Variants in SFMBT2 observed in about 807,000 individuals in gnomAD.
SFMBT2 encodes Scm like with four mbt domains 2.
SFMBT2 carries 38 observed loss-of-function variants against 110.1 expected under a neutral mutation model. The ratio of observed to expected loss-of-function variants is 0.35; its 90% CI spans 0.27 to 0.45. SFMBT2 has a LOEUF of 0.45. SFMBT2 is among the 20% of genes least tolerant of loss of function. The pLI, the probability that SFMBT2 is intolerant of heterozygous loss-of-function variation, is 1.00. For synonymous variants in SFMBT2, 425 were observed against 425.4 expected (o/e 1.00, Z 0.01); for missense variants, 1,011 against 1,094.9 (o/e 0.92, Z 1.08).
At chr10:7,260,907 A>G (rs545346526) in intron 7 of SFMBT2, among the ~76,000 whole-genome samples, 99 of 152,262 alleles carry the variant, frequency 6.5e-4, no homozygotes, top group African/African-American at 2.3e-3. Context: ...CTTTGTTATA[A>G]TAATACTGAG....
chr10:7,292,704 A>T (rs1294421661), intron 4 of SFMBT2, among the ~76,000 whole-genome samples: 5 of 152,202 alleles, frequency 3.3e-5, no homozygotes, highest in African/African-American at 9.7e-5. Flanking sequence ...GAAAAGAAAT[A>T]GTATCATTTT....
chr10:7,232,556 C>T (rs943798032), intron 9 of SFMBT2, among the ~76,000 whole-genome samples: 6 of 152,146 alleles, frequency 3.9e-5, no homozygotes, highest in African/African-American at 1.2e-4. Flanking sequence ...TAAAAAATAA[C>T]TGCTATGGCT....
chr10:7,333,708 G>A (rs1243415941), intron 4 of SFMBT2, among the ~76,000 whole-genome samples: 3 of 146,562 alleles, frequency 2.0e-5, no homozygotes, highest in Non-Finnish European at 4.5e-5. Context: ...CTCCCTACAC[G>A]GCCTCCCCGC....
At chr10:7,211,035 TC>T (rs1377734889) in intron 11 of SFMBT2, among the ~76,000 whole-genome samples, 1 of 152,066 alleles carries the variant, frequency 6.6e-6, no homozygotes, top group Non-Finnish European at 1.5e-5. Flanking sequence ...GGTGTTTTCA[TC>T]CCCATTTCAG....
intron 4 of SFMBT2, among the ~76,000 whole-genome samples, chr10:7,363,147 G>C (rs933306263): frequency 7.2e-5 from 11 of 152,136 alleles, no homozygotes; most frequent in African/African-American, 2.7e-4. Context: ...GGTGGTAACA[G>C]AATCATGGGG....
rs574234714 is a variant in SFMBT2 at position 7,357,218 on chromosome 10, C to T, written c.436+10431G>A. Among the ~76,000 whole-genome samples, 32 of 152,226 alleles carry T rather than the reference C, an allele frequency of 2.1e-4. 1 individual carries two copies. The highest frequency in any genetic ancestry group is 6.2e-4 in the South Asian group (3 of 4,820). ...TTCAGCTCTAGCTCTGAATCCACGC[C>T]TGGCAGGGTTAATTTTATGCATCAA... is the stretch of plus-strand genomic sequence containing the variant. On this transcript the variant is annotated intron_variant, in intron 4 of 20. Transcript: ENST00000397167.
chr10:7,386,944 G>A lies in SFMBT2; in HGVS notation c.-51-4995C>T, dbSNP rs138637908. Among the ~76,000 whole-genome samples, 22 of 152,272 alleles carry A rather than the reference G, an allele frequency of 1.4e-4. No homozygotes were observed. The East Asian group carries it at 2.3e-3, about 16-fold the overall frequency. On this transcript the variant is annotated intron_variant, in intron 1 of 20. Coordinates refer to ENST00000397167, the MANE Select transcript of SFMBT2 (RefSeq NM_001387889.1). ...ACAGAGCCGCTAGTGGTGGGGCTGC[G>A]GTTTGAACCCACACAACTGGCTCCA...
chr10:7,250,561 G>C (rs931114451), intron 7 of SFMBT2, among the ~76,000 whole-genome samples: 2 of 152,188 alleles, frequency 1.3e-5, no homozygotes, highest in Non-Finnish European at 2.9e-5. Flanking sequence ...GAGTGCTTGT[G>C]TCTTTTTGAT....
At position 7,188,700 on chromosome 10, in the gene SFMBT2, G is replaced by T. The variant is rs781731665; in HGVS notation, c.1732C>A (p.Pro578Thr). The T allele has an allele frequency of 6.2e-7, 1 of 1,613,352 alleles. No homozygotes were observed. The change falls in exon 16 of 21, where the codon CCT becomes ACT. Residue 578 changes from proline to threonine, a missense_variant. Coordinates refer to ENST00000397167, the MANE Select transcript of SFMBT2 (RefSeq NM_001387889.1). ...LSMIINAAYK[P>T]GRVLRELQLV... ...TGTAATTCTCTTAATACCCTTCCAG[G>T]CTTGTAGGCTGCGTTGATTATCATG...
intron 12 of SFMBT2, 26 bp downstream of exon 12, chr10:7,205,789 C>G: frequency 1.9e-6 from 3 of 1,598,788 alleles, no homozygotes; most frequent in Non-Finnish European, 2.6e-6. Context: ...GTGTCATCCA[C>G]CCCCCCTCAA....
At chr10:7,245,930 G>A (rs1212302868) in intron 8 of SFMBT2, among the ~76,000 whole-genome samples, 1 of 150,352 alleles carries the variant, frequency 6.7e-6, no homozygotes, top group Non-Finnish European at 1.5e-5. Flanking sequence ...ACAGCACAGT[G>A]TGTTATATTT....
intron 7 of SFMBT2, among the ~76,000 whole-genome samples, chr10:7,252,250 G>T (rs1840835003): frequency 6.6e-6 from 1 of 152,162 alleles, no homozygotes; most frequent in Non-Finnish European, 1.5e-5. Flanking sequence ...CAGAAGCCCT[G>T]CCCTCTCTGA....
At chr10:7,306,329 G>C (rs1842697907) in intron 4 of SFMBT2, among the ~76,000 whole-genome samples, 1 of 152,200 alleles carries the variant, frequency 6.6e-6, no homozygotes. Context: ...TTTTTAAATG[G>C]TTGGAAAAGT....
At chr10:7,385,242 T>G (rs543658265) in intron 1 of SFMBT2, among the ~76,000 whole-genome samples, 1 of 151,876 alleles carries the variant, frequency 6.6e-6, no homozygotes, top group Non-Finnish European at 1.5e-5. Context: ...CTCTACCCCA[T>G]GTAAGGAAGC....
chr10:7,161,761 C>G lies in SFMBT2; in HGVS notation c.*2009G>C, dbSNP rs1315543503. On this transcript the variant is annotated 3_prime_UTR_variant, in exon 21 of 21. Coordinates refer to ENST00000397167, the MANE Select transcript of SFMBT2 (RefSeq NM_001387889.1). ...TGTGTTTTCCATTCTCATCTGTAAC[C>G]ATTACAGAATGTTAAGAAGGGTGAG... 2 of 152,188 alleles carry G rather than the reference C, an allele frequency of 1.3e-5. No homozygotes were observed. Among genetic ancestry groups the G allele is most frequent in the East Asian group, 3.8e-4 (2 of 5,202 alleles). The allele number at this position is 152,188 out of a possible 1,614,324, so 9.4% of individuals were successfully genotyped here. A position where few individuals can be genotyped will look rare whatever the true frequency, so the allele number is the denominator to read the frequency against.
intron 4 of SFMBT2, among the ~76,000 whole-genome samples, chr10:7,300,119 G>A (rs1842516005): frequency 6.6e-6 from 1 of 152,088 alleles, no homozygotes; most frequent in Non-Finnish European, 1.5e-5. Context: ...TGAAGATTGA[G>A]AACACATGGA....
intron 4 of SFMBT2, chr10:7,329,530 G>A: frequency 3.0e-6 from 3 of 985,374 alleles, no homozygotes; most frequent in Non-Finnish European, 2.4e-6. Context: ...TGCTGCTGCA[G>A]GTACCTCTGC....
intron 4 of SFMBT2, among the ~76,000 whole-genome samples, chr10:7,346,373 G>T (rs1244579648): frequency 6.6e-6 from 1 of 152,050 alleles, no homozygotes; most frequent in African/African-American, 2.4e-5. Context: ...TTGAAACAGA[G>T]GACATGAAAC....
intron 12 of SFMBT2, chr10:7,203,069 T>C: frequency 1.0e-6 from 1 of 985,462 alleles, no homozygotes; most frequent in African/African-American, 1.7e-5. Context: ...CCAGTTTATA[T>C]TTGTAACTGA....
Sources: gnomAD v4.1 joint callset for allele counts (sites outside exome capture counted in the v4.1 genomes callset) on GRCh38, gnomAD v4.1.1 for gene constraint, MANE v1.5 for transcripts, NCBI Gene and HGNC (gene_info 2026-07-23, HGNC 2026-07-21) for gene names.